CYP20A1: variants seen among roughly 807,000 people sequenced by gnomAD.
CYP20A1 encodes cytochrome P450 20A1.
A neutral mutation model predicts 61.4 loss-of-function variants in CYP20A1; 61 were observed. The observed-to-expected ratio is 0.99, with a 90% CI of 0.81 to 1.23. CYP20A1 has a LOEUF of 1.23. Among genes scored for constraint, CYP20A1 ranks in the 50% most tolerant of loss-of-function variants. CYP20A1 has a pLI of 0.00. For synonymous variants in CYP20A1, 193 were observed against 188.2 expected (o/e 1.03, Z -0.21); for missense variants, 530 against 542.4 (o/e 0.98, Z 0.23).
chr2:203,273,965 A>G (rs941933772), intron 6 of CYP20A1, among the ~76,000 whole-genome samples: 4 of 152,134 alleles, frequency 2.6e-5, no homozygotes, highest in Non-Finnish European at 4.4e-5. Context: ...TAAAAAATAA[A>G]AAATTAGCAT....
At chr2:203,241,286 G>A (rs2066246070) in intron 1 of CYP20A1, among the ~76,000 whole-genome samples, 1 of 152,214 alleles carries the variant, frequency 6.6e-6, no homozygotes, top group Non-Finnish European at 1.5e-5. Context: ...CTAGGTTTGA[G>A]ATGCCTGTTA....
At chr2:203,296,608 C>T in intron 12 of CYP20A1, 45 bp downstream of exon 12, 1 of 1,491,842 alleles carries the variant, frequency 6.7e-7, no homozygotes, top group Non-Finnish European at 9.2e-7. Context: ...TTTTGATGAT[C>T]ACTGTTGATG....
chr2:203,266,413 C>A, intron 4 of CYP20A1, 101 bp from the exon 5 acceptor site: 1 of 1,015,222 alleles, frequency 9.9e-7, no homozygotes, highest in Non-Finnish European at 1.5e-6. Context: ...ACTTTGGTTA[C>A]AGAGTTTAAC....
At position 203,303,903 on chromosome 2, in the gene CYP20A1, G is replaced by A. The variant is rs1312774037; in HGVS notation, c.*6995G>A. Among the ~76,000 whole-genome samples, 2 of 148,846 alleles carry A rather than the reference G, an allele frequency of 1.3e-5. No homozygotes were observed. The highest frequency in any genetic ancestry group is 3.0e-5 in the Non-Finnish European group (2 of 67,416). On this transcript the variant is annotated 3_prime_UTR_variant, in exon 13 of 13. Coordinates refer to ENST00000356079, the MANE Select transcript of CYP20A1 (RefSeq NM_177538.3). ...AAAAAAAAAAAAAAAAACTTATTGAGAGAATAATATACCACTAATATTTAA... is the reference window on the plus strand; with the variant it reads ...AAAAAAAAAAAAAAAAACTTATTGAAAGAATAATATACCACTAATATTTAA...
intron 5 of CYP20A1, among the ~76,000 whole-genome samples, chr2:203,272,019 T>G (rs1484907301): frequency 6.6e-6 from 1 of 152,196 alleles, no homozygotes; most frequent in African/African-American, 2.4e-5. Flanking sequence ...ACAGTGAGAC[T>G]CTGTCTCGGC....
chr2:203,247,192 C>T (rs151304081), intron 3 of CYP20A1, among the ~76,000 whole-genome samples: 4,605 of 151,950 alleles, frequency 0.03, 254 homozygotes, highest in African/African-American at 0.1. Context: ...ACCCCGGGGG[C>T]GGAGGCTGCA....
At chr2:203,275,984 C>T (rs369275607) in intron 6 of CYP20A1, among the ~76,000 whole-genome samples, 6 of 151,916 alleles carry the variant, frequency 3.9e-5, no homozygotes, top group African/African-American at 9.7e-5. Context: ...TAGGGAGTGC[C>T]GGGGGTTGGG....
At position 203,288,654 on chromosome 2, in the gene CYP20A1, TTTG is replaced by T. The variant is rs372015026; in HGVS notation, c.972-1105_972-1103del. 4.5e-4 allele frequency among the ~76,000 whole-genome samples: 68 copies of T among 152,278 alleles called. 1 individual carries two copies. The highest frequency in any genetic ancestry group is 3.4e-3 in the Middle Eastern group (1 of 294). On this transcript the variant is annotated intron_variant, in intron 9 of 12. Transcript: ENST00000356079. The stretch of plus-strand genomic sequence containing the variant: ...AAGGAAGAATGTTTCCCCTTTTGAT[TTTG>T]TTGTTTTTGATGTTACAAACAATTA...
chr2:203,288,435 A>G (rs182092536), intron 9 of CYP20A1, among the ~76,000 whole-genome samples: 75 of 151,996 alleles, frequency 4.9e-4, no homozygotes, highest in African/African-American at 1.7e-3. Flanking sequence ...TTCCAGTAAT[A>G]CCCTGAACTT....
chr2:203,278,120 A>T (rs904753072), intron 6 of CYP20A1, among the ~76,000 whole-genome samples: 1 of 152,134 alleles, frequency 6.6e-6, no homozygotes, highest in African/African-American at 2.4e-5. Context: ...TACCAAAAAT[A>T]CAAAAATTAG....
At chr2:203,239,224 C>G in intron 1 of CYP20A1, 90 bp downstream of exon 1, 1 of 1,143,630 alleles carries the variant, frequency 8.7e-7, no homozygotes, top group East Asian at 2.4e-5. Context: ...CTGCGGGCCG[C>G]AGGGGGCGGG....
At position 203,301,651 on chromosome 2, in the gene CYP20A1, G is replaced by A. The variant is rs1259891676; in HGVS notation, c.*4743G>A. ...TTAAGGCAATATTAATTCTGTGCAT[G>A]TGTTTGGGAAAATTAAAAAAACTTA... On this transcript the variant is annotated 3_prime_UTR_variant, in exon 13 of 13. Transcript: ENST00000356079. Among the ~76,000 whole-genome samples the A allele has an allele frequency of 6.6e-6, 1 of 152,036 alleles. No homozygotes were observed. The highest frequency in any genetic ancestry group is 1.5e-5 in the Non-Finnish European group (1 of 68,020).
chr2:203,263,341 G>GT (rs1186837023), intron 4 of CYP20A1, among the ~76,000 whole-genome samples: 1 of 148,962 alleles, frequency 6.7e-6, no homozygotes, highest in African/African-American at 2.5e-5. Flanking sequence ...CCAGGCTGGA[G>GT]TGTTGTGGCG....
At chr2:203,267,491 A>AC (rs1348218095) in intron 5 of CYP20A1, among the ~76,000 whole-genome samples, 3 of 148,948 alleles carry the variant, frequency 2.0e-5, no homozygotes, top group Non-Finnish European at 4.4e-5. Flanking sequence ...CCAAGACCGC[A>AC]CCACTGCACT....
chr2:203,270,736 C>CTTTTTTTTTTT (rs551427259), intron 5 of CYP20A1, among the ~76,000 whole-genome samples: 5 of 127,952 alleles, frequency 3.9e-5, no homozygotes, highest in Non-Finnish European at 5.0e-5. Flanking sequence ...TTTTTTTTTT[C>CTTTTTTTTTTT]TTTTTTTTTT....
rs1010375035 is a variant in CYP20A1 at position 203,301,413 on chromosome 2, C to T, written c.*4505C>T. ...GGACTACATATGCATGCCACCATGC[C>T]CAGCTGTTTTTTTGTTTGCTTGTTT... On this transcript the variant is annotated 3_prime_UTR_variant, in exon 13 of 13. Transcript: ENST00000356079. Among the ~76,000 whole-genome samples the T allele has an allele frequency of 7.9e-5, 12 of 151,844 alleles. No individual in the cohort carries two copies. Among genetic ancestry groups the T allele is most frequent in the Non-Finnish European group, 1.8e-4 (12 of 67,972 alleles).
chr2:203,281,953 CTTT>C (rs970331114), intron 8 of CYP20A1, among the ~76,000 whole-genome samples: 3 of 151,000 alleles, frequency 2.0e-5, no homozygotes, highest in Non-Finnish European at 2.9e-5. Flanking sequence ...AATTTTTCTT[CTTT>C]AACATATAGA....
chr2:203,269,270 CT>C (rs1176450894), intron 5 of CYP20A1, among the ~76,000 whole-genome samples: 9 of 148,918 alleles, frequency 6.0e-5, no homozygotes, highest in Admixed American at 1.4e-4. Context: ...AGTGAGACCC[CT>C]GTCTCCAATT....
At chr2:203,263,762 A>T (rs1045070595) in intron 4 of CYP20A1, among the ~76,000 whole-genome samples, 1 of 152,162 alleles carries the variant, frequency 6.6e-6, no homozygotes, top group Non-Finnish European at 1.5e-5. Flanking sequence ...GCTTAATTGC[A>T]CTAATGGCAG....
Sources: allele counts gnomAD v4.1 joint callset (sites outside exome capture counted in the v4.1 genomes callset), GRCh38; gene constraint gnomAD v4.1.1; transcripts MANE v1.5; gene names NCBI Gene and HGNC (gene_info 2026-07-23, HGNC 2026-07-21).